Variants in NPAS3 observed in about 807,000 individuals in gnomAD.
The protein encoded by NPAS3 is neuronal PAS domain-containing protein 3.
In NPAS3, 14 loss-of-function variants were observed where a neutral mutation model predicts 73.1. The ratio of observed to expected loss-of-function variants is 0.19; its 90% confidence interval spans 0.13 to 0.30. NPAS3 has a LOEUF of 0.30. Ranked by LOEUF, NPAS3 falls within the 10% of genes least tolerant of loss-of-function variation. The probability of loss-of-function intolerance (pLI) is 1.00; values close to 1 mark genes in which losing one functional copy is unlikely to be tolerated. For synonymous variants in NPAS3, 620 were observed against 541.5 expected (o/e 1.14, Z -2.01); for missense variants, 1,096 against 1,250.0 (o/e 0.88, Z 1.86).
At chr14:33,685,432 T>C (rs1279833326) in intron 6 of NPAS3, among the ~76,000 whole-genome samples, 1 of 152,226 alleles carries the variant, frequency 6.6e-6, no homozygotes, top group East Asian at 1.9e-4. Context: ...CAGGGACTGA[T>C]GGACGTTATC....
intron 3 of NPAS3, among the ~76,000 whole-genome samples, chr14:33,295,632 G>A (rs2042265941): frequency 1.3e-5 from 2 of 152,260 alleles, no homozygotes; most frequent in Admixed American, 6.5e-5. Flanking sequence ...AGTGAGTATC[G>A]CTCCCTGTGA....
chr14:33,349,956 G>A (rs147717210), intron 3 of NPAS3, among the ~76,000 whole-genome samples: 5 of 152,294 alleles, frequency 3.3e-5, no homozygotes, highest in African/African-American at 7.2e-5. Flanking sequence ...CACACTCCGC[G>A]TCCTCTGGCA....
At chr14:33,271,719 A>C (rs61666374) in intron 3 of NPAS3, among the ~76,000 whole-genome samples, 601 of 152,316 alleles carry the variant, frequency 3.9e-3, no homozygotes, top group African/African-American at 0.014. Context: ...CTAGAGCAGT[A>C]TTAGCATAAT....
chr14:33,145,821 A>G (rs2044219144), intron 2 of NPAS3, among the ~76,000 whole-genome samples: 1 of 152,210 alleles, frequency 6.6e-6, no homozygotes, highest in African/African-American at 2.4e-5. Flanking sequence ...GGACCAAGAA[A>G]TGTCAGGGCC....
chr14:33,035,504 G>T (rs914178786), intron 1 of NPAS3, among the ~76,000 whole-genome samples: 1 of 152,182 alleles, frequency 6.6e-6, no homozygotes, highest in Non-Finnish European at 1.5e-5. Context: ...AATCCCCAAA[G>T]TTCCAGCAGA....
chr14:32,936,167 A>G (rs908043104), upstream of NPAS3, among the ~76,000 whole-genome samples: 4 of 152,220 alleles, frequency 2.6e-5, no homozygotes, highest in Non-Finnish European at 5.9e-5. Context: ...TATCACTGCC[A>G]TATTTTGTGC....
At chr14:32,999,228 C>T (rs1471241258) in intron 1 of NPAS3, among the ~76,000 whole-genome samples, 2 of 152,132 alleles carry the variant, frequency 1.3e-5, no homozygotes, top group African/African-American at 4.8e-5. Context: ...ATGTTATATT[C>T]CGGCCGGGTG....
chr14:33,560,726 C>A (rs901143853), intron 5 of NPAS3, among the ~76,000 whole-genome samples: 16 of 152,118 alleles, frequency 1.1e-4, no homozygotes, highest in Admixed American at 1.3e-4. Context: ...AAGATGATTT[C>A]ATAAAATAAG....
intron 1 of NPAS3, among the ~76,000 whole-genome samples, chr14:32,954,644 C>G (rs1047406314): frequency 1.3e-5 from 2 of 152,120 alleles, no homozygotes; most frequent in East Asian, 3.9e-4. Flanking sequence ...ATACCCTTCT[C>G]CTAATCCCAG....
At chr14:33,079,325 C>CCTTTTTTTTTTTTTT (rs2041779621) in intron 2 of NPAS3, among the ~76,000 whole-genome samples, 1 of 132,300 alleles carries the variant, frequency 7.6e-6, no homozygotes, top group South Asian at 2.5e-4. Context: ...TTTCTTTTTC[C>CCTTTTTTTTTTTTTT]TTTTTTTTTT....
At chr14:33,057,654 C>T (rs972159771) in intron 2 of NPAS3, among the ~76,000 whole-genome samples, 2 of 152,174 alleles carry the variant, frequency 1.3e-5, no homozygotes, top group East Asian at 1.9e-4. Flanking sequence ...GGAATCATCT[C>T]AAGGGCTTGC....
chr14:33,087,940 G>A lies in NPAS3; in HGVS notation c.140+31946G>A, dbSNP rs548180035. ...GTACCTCACCCATCTGGAGACTACT[G>A]TGTTTAACAACAGCAAACATCTCCA... is the stretch of plus-strand genomic sequence containing the variant. On this transcript the variant is annotated intron_variant, in intron 2 of 11. Coordinates refer to ENST00000356141, the Ensembl canonical transcript of NPAS3. 7.2e-5 allele frequency among the ~76,000 whole-genome samples: 11 copies of A among 152,274 alleles called. No individual in the cohort carries two copies. The South Asian group carries it at 2.3e-3, about 32-fold the overall frequency.
chr14:32,961,759 C>A (rs78345438), intron 1 of NPAS3, among the ~76,000 whole-genome samples: 1 of 152,144 alleles, frequency 6.6e-6, no homozygotes, highest in South Asian at 2.1e-4. Flanking sequence ...AAGATATATC[C>A]CCATTTTATA....
intron 1 of NPAS3, among the ~76,000 whole-genome samples, chr14:33,024,747 T>C (rs2039741171): frequency 6.6e-6 from 1 of 152,234 alleles, no homozygotes; most frequent in South Asian, 2.1e-4. Context: ...TCACATAGGC[T>C]AATTCTGAAT....
chr14:33,037,470 C>A (rs1440689700), intron 1 of NPAS3, among the ~76,000 whole-genome samples: 2 of 149,024 alleles, frequency 1.3e-5, no homozygotes, highest in African/African-American at 5.0e-5. Context: ...CATAGTGAGA[C>A]CCCATCTCAG....
rs142921965 is a variant in NPAS3, at chr14:33,048,425, C to T, written c.51-7480C>T. ...TACACTGGAAATTACTTTTCCTTTC[C>T]TTTCAGTTCCCTGAAGTCAGGCTGC... On this transcript the variant is annotated intron_variant, in intron 1 of 11. Transcript: ENST00000356141. Among the ~76,000 whole-genome samples the T allele has an allele frequency of 5.4e-4, 83 of 152,306 alleles. 1 individual carries two copies. Among genetic ancestry groups the T allele is most frequent in the Middle Eastern group, 3.4e-3 (1 of 294 alleles).
chr14:33,371,371 T>C (rs2140436493), intron 4 of NPAS3, among the ~76,000 whole-genome samples: 1 of 152,246 alleles, frequency 6.6e-6, no homozygotes, highest in East Asian at 1.9e-4. Flanking sequence ...GAAGTTATCA[T>C]CAAGAGAAAT....
chr14:33,287,279 T>A (rs1326583144), intron 3 of NPAS3, among the ~76,000 whole-genome samples: 3 of 152,174 alleles, frequency 2.0e-5, no homozygotes, highest in Non-Finnish European at 4.4e-5. Flanking sequence ...CAATGTAGAT[T>A]GCACTAAGAA....
chr14:33,169,629 A>C (rs1048621190), intron 2 of NPAS3, among the ~76,000 whole-genome samples: 2 of 152,238 alleles, frequency 1.3e-5, no homozygotes, highest in African/African-American at 4.8e-5. Context: ...AATCTTTACC[A>C]ATGCATTTCA....
Sources: gnomAD v4.1 joint callset for allele counts (sites outside exome capture counted in the v4.1 genomes callset) on GRCh38, gnomAD v4.1.1 for gene constraint, MANE v1.5 for transcripts, NCBI Gene and HGNC (gene_info 2026-07-23, HGNC 2026-07-21) for gene names.